The following SLC44A5 variants were observed in gnomAD, a reference collection of about 807,000 sequenced individuals.
The protein encoded by SLC44A5 is choline transporter-like protein 5.
A neutral mutation model predicts 101.8 loss-of-function variants in SLC44A5; 57 were observed. The ratio of observed to expected loss-of-function variants is 0.56; its 90% CI spans 0.45 to 0.70. The LOEUF (loss-of-function observed/expected upper bound fraction) is 0.70, where lower values mean the gene tolerates loss of function less well. Among genes scored for constraint, SLC44A5 ranks in the 30% least tolerant of loss-of-function variants. SLC44A5 has a pLI of 0.00. For missense variants in SLC44A5, 737 were observed against 853.1 expected, an observed-to-expected ratio of 0.86 and a Z score of 1.70; for synonymous variants, 281 against 290.9, an observed-to-expected ratio of 0.97 and a Z score of 0.35.
chr1:75,241,088 C>T (rs2100601045), intron 9 of SLC44A5, among the ~76,000 whole-genome samples: 1 of 148,166 alleles, frequency 6.7e-6, no homozygotes, highest in African/African-American at 2.5e-5. Flanking sequence ...TATTCTCGGT[C>T]TTGGATAGTA....
rs1646690643 is a variant in SLC44A5, at chr1:75,203,111, T to C, written c.*616A>G. The C allele has an allele frequency of 6.6e-6, 1 of 152,188 alleles. No homozygotes were observed. The highest frequency in any genetic ancestry group is 2.4e-5 in the African/African-American group (1 of 41,444). The allele number at this position is 152,188 out of a possible 1,614,324, so 9.4% of individuals were successfully genotyped here. ...CAGGTTTTAATTTTTTAAAAAACAA[T>C]GTTTGTAAACTTGCCCATAAAAGCT... On this transcript the variant is annotated 3_prime_UTR_variant, in exon 24 of 24. Transcript: ENST00000370859.
intron 12 of SLC44A5, among the ~76,000 whole-genome samples, chr1:75,228,466 A>G (rs545954675): frequency 6.6e-6 from 1 of 152,220 alleles, no homozygotes; most frequent in African/African-American, 2.4e-5. Context: ...TTTATAAATA[A>G]TTTATAGCTC....
At chr1:75,266,350 C>CAA (rs1285454906) in intron 6 of SLC44A5, among the ~76,000 whole-genome samples, 3 of 148,812 alleles carry the variant, frequency 2.0e-5, no homozygotes, top group Non-Finnish European at 4.5e-5. Context: ...CACACACACA[C>CAA]ACATTTATTT....
chr1:75,316,605 T>G (rs1348172517), intron 4 of SLC44A5, among the ~76,000 whole-genome samples: 1 of 152,224 alleles, frequency 6.6e-6, no homozygotes, highest in Non-Finnish European at 1.5e-5. Context: ...ACTTCTATAA[T>G]CAGTAGTTAA....
intron 5 of SLC44A5, among the ~76,000 whole-genome samples, chr1:75,288,946 C>T (rs550204409): frequency 6.6e-6 from 1 of 152,280 alleles, no homozygotes; most frequent in Admixed American, 6.5e-5. Flanking sequence ...TCCTTATATT[C>T]ATAGCATCAT....
At chr1:75,449,829 C>T (rs151135660) in intron 2 of SLC44A5, among the ~76,000 whole-genome samples, 59 of 152,040 alleles carry the variant, frequency 3.9e-4, no homozygotes, top group Middle Eastern at 6.8e-3. Context: ...GGTGAAACTT[C>T]GTCTCTACTA....
At chr1:75,514,288 A>T (rs1225555003) in intron 2 of SLC44A5, among the ~76,000 whole-genome samples, 1 of 152,260 alleles carries the variant, frequency 6.6e-6, no homozygotes, top group Non-Finnish European at 1.5e-5. Flanking sequence ...AGCCTCTCAA[A>T]GCTGATCTAT....
At chr1:75,203,945 T>TTTTTGTTGTTG in intron 23 of SLC44A5, 112 bp from the exon 24 acceptor site, 1 of 1,311,826 alleles carries the variant, frequency 7.6e-7, no homozygotes. Flanking sequence ...TTGTTGTTTT[T>TTTTTGTTGTTG]TTTTTGTTGT....
chr1:75,657,126 G>A, the SLC44A5 span, among the ~76,000 whole-genome samples: 14,163 of 152,102 alleles, frequency 0.093, 861 homozygotes, highest in East Asian at 0.25. Context: ...TCCAGCCTGC[G>A]TGACAGAATG....
intron 2 of SLC44A5, among the ~76,000 whole-genome samples, chr1:75,410,669 A>G (rs1663215884): frequency 2.0e-5 from 3 of 152,146 alleles, no homozygotes; most frequent in Admixed American, 1.3e-4. Flanking sequence ...ATAGAATCTA[A>G]TGGCCACATA....
chr1:75,405,774 C>G (rs913828027), intron 2 of SLC44A5, among the ~76,000 whole-genome samples: 1 of 151,316 alleles, frequency 6.6e-6, no homozygotes, highest in Non-Finnish European at 1.5e-5. Context: ...AAAATCAGCA[C>G]CCTAACATCA....
chr1:75,320,910 G>A (rs1043978467), intron 4 of SLC44A5, among the ~76,000 whole-genome samples: 4 of 152,054 alleles, frequency 2.6e-5, no homozygotes, highest in Admixed American at 2.0e-4. Flanking sequence ...ATACATGACC[G>A]TGTTTCAGAA....
At chr1:75,222,219 G>C in intron 14 of SLC44A5, 142 bp downstream of exon 14, 1 of 626,944 alleles carries the variant, frequency 1.6e-6, no homozygotes, top group South Asian at 1.9e-5. Context: ...GCCTCCCAAA[G>C]TGCTGGGATT....
rs1416369497 is a variant in SLC44A5, at chr1:75,315,802, T to C, written c.102-15117A>G. Among the ~76,000 whole-genome samples, 7 of 152,270 alleles carry C rather than the reference T, an allele frequency of 4.6e-5. No homozygotes were observed. The South Asian group carries it at 1.4e-3, about 32-fold the overall frequency. On this transcript the variant is annotated intron_variant, in intron 4 of 23. Transcript: ENST00000370859. ...GTGAGGTCCCAGATTTTCTCTCTTC[T>C]CCTTAACTATCTCTGCCCGCCGCTC...
chr1:75,291,599 A>G (rs954645877), intron 5 of SLC44A5, among the ~76,000 whole-genome samples: 1 of 152,170 alleles, frequency 6.6e-6, no homozygotes, highest in Non-Finnish European at 1.5e-5. Context: ...TGAGACCTCA[A>G]AAACGAATAG....
chr1:75,503,941 G>A (rs1370317456), intron 2 of SLC44A5, among the ~76,000 whole-genome samples: 2 of 152,122 alleles, frequency 1.3e-5, no homozygotes, highest in African/African-American at 4.8e-5. Flanking sequence ...TTTTTAAAGA[G>A]AGATTTTTTT....
At chr1:75,283,217 G>T (rs560177515) in intron 5 of SLC44A5, among the ~76,000 whole-genome samples, 16 of 151,624 alleles carry the variant, frequency 1.1e-4, no homozygotes, top group African/African-American at 3.9e-4. Context: ...GTATTGTGTT[G>T]TAGTTTTGAT....
intron 3 of SLC44A5, among the ~76,000 whole-genome samples, chr1:75,352,179 CTTCT>C (rs1175357369): frequency 1.3e-5 from 2 of 152,010 alleles, no homozygotes; most frequent in Non-Finnish European, 2.9e-5. Flanking sequence ...TTTATGTTGT[CTTCT>C]TTGTCTCTTT....
At chr1:75,250,312 T>C (rs1435785682) in intron 7 of SLC44A5, among the ~76,000 whole-genome samples, 3 of 152,176 alleles carry the variant, frequency 2.0e-5, no homozygotes, top group African/African-American at 7.2e-5. Context: ...TCCATCCATG[T>C]CTCTGCGAGG....
Sources: gnomAD v4.1 joint callset for allele counts (sites outside exome capture counted in the v4.1 genomes callset) on GRCh38, gnomAD v4.1.1 for gene constraint, MANE v1.5 for transcripts, NCBI Gene and HGNC (gene_info 2026-07-23, HGNC 2026-07-21) for gene names.